Variants in PCNT observed in about 807,000 individuals in gnomAD.
The protein encoded by PCNT is kendrin.
A neutral mutation model predicts 380.4 loss-of-function variants in PCNT; 319 were observed. The ratio of observed to expected loss-of-function variants is 0.84; its 90% CI spans 0.77 to 0.92. The LOEUF is 0.92. Ranked by LOEUF, PCNT falls within the 40% of genes least tolerant of loss-of-function variation. PCNT has a pLI of 0.00. For synonymous variants in PCNT, 1,845 were observed against 1,735.2 expected, an observed-to-expected ratio of 1.06 and a Z score of -1.57; for missense variants, 4,400 against 4,255.3, an observed-to-expected ratio of 1.03 and a Z score of -0.95.
In PCNT at chr21:46,363,523, A is replaced by T; in HGVS notation, c.2198A>T (p.Asn733Ile). 2 of 1,614,118 alleles carry T rather than the reference A, an allele frequency of 1.2e-6. No homozygotes were observed. The highest frequency in any genetic ancestry group is 1.7e-6 in the Non-Finnish European group (2 of 1,179,996). Residue 733 changes from asparagine (N) to isoleucine (I), a missense_variant, in exon 14 of 47, where the codon AAT becomes ATT. Transcript: ENST00000359568. ...GAAGACCACCAGAAGGAACTAAATA[A>T]TGCTAAGCAAAAGACTGAGCTGATG... ...LIEDHQKELNNAKQKTELMKQ... is the reference protein window; with the variant it reads ...LIEDHQKELNIAKQKTELMKQ...
chr21:46,387,584 G>T (rs1158800106), intron 17 of PCNT, among the ~76,000 whole-genome samples: 1 of 152,096 alleles, frequency 6.6e-6, no homozygotes, highest in Admixed American at 6.5e-5. Flanking sequence ...TTTGGGGGGT[G>T]GAAGTGTGCT....
At chr21:46,346,706 C>T in intron 4 of PCNT, 37 bp from the exon 5 acceptor site, 2 of 1,578,526 alleles carry the variant, frequency 1.3e-6, no homozygotes, top group Non-Finnish European at 8.6e-7. Flanking sequence ...CTGGTTCTGA[C>T]CATGGGCCCT....
intron 4 of PCNT, among the ~76,000 whole-genome samples, 192 bp downstream of exon 4, chr21:46,346,400 G>A (rs184526873): frequency 9.2e-5 from 14 of 152,276 alleles, no homozygotes; most frequent in Non-Finnish European, 1.6e-4. Context: ...GGGTCAGGGG[G>A]CTTGGTCAGG....
At chr21:46,349,214 A>G in intron 7 of PCNT, 28 bp downstream of exon 7, 1 of 1,587,000 alleles carries the variant, frequency 6.3e-7, no homozygotes, top group Non-Finnish European at 8.7e-7. Flanking sequence ...GCAAGTTTGG[A>G]GTGGGACTGA....
At chr21:46,412,702 G>A in intron 28 of PCNT, 135 bp from the exon 29 acceptor site, 1 of 935,908 alleles carries the variant, frequency 1.1e-6, no homozygotes, top group East Asian at 2.4e-5. Context: ...AAGGTGCTCG[G>A]CTGTGGATGT....
intron 34 of PCNT, 136 bp from the exon 35 acceptor site, chr21:46,428,259 C>G: frequency 1.2e-6 from 1 of 815,742 alleles, no homozygotes; most frequent in Non-Finnish European, 2.1e-6. Flanking sequence ...AGCTGAGGCC[C>G]AGCAGATACT....
intron 29 of PCNT, among the ~76,000 whole-genome samples, chr21:46,415,328 C>T (rs1364288599): frequency 6.7e-6 from 1 of 148,538 alleles, no homozygotes; most frequent in African/African-American, 2.5e-5. Context: ...CTGCGGCAAA[C>T]AGTCTTGGGG....
At chr21:46,381,883 C>T (rs754865073) in intron 16 of PCNT, 43 bp downstream of exon 16, 28 of 1,602,428 alleles carry the variant, frequency 1.7e-5, no homozygotes, top group Non-Finnish European at 2.2e-5. Context: ...ACGTGTATAG[C>T]ATAAAAATCA....
intron 21 of PCNT, among the ~76,000 whole-genome samples, chr21:46,394,046 T>C (rs2086125527): frequency 6.6e-6 from 1 of 152,248 alleles, no homozygotes; most frequent in African/African-American, 2.4e-5. Context: ...TTGTTTGCTT[T>C]CCTTTCGACA....
chr21:46,347,593 C>T (rs2084115040), intron 6 of PCNT, 81 bp downstream of exon 6: 2 of 1,275,788 alleles, frequency 1.6e-6, no homozygotes, highest in Non-Finnish European at 2.3e-6. Context: ...GAACGCTCCT[C>T]ACCTTGATTC....
At chr21:46,407,966 T>C (rs911101279) in intron 27 of PCNT, among the ~76,000 whole-genome samples, 2 of 152,244 alleles carry the variant, frequency 1.3e-5, no homozygotes, top group Non-Finnish European at 2.9e-5. Flanking sequence ...AGGTCATTGA[T>C]TATAGATACT....
chr21:46,381,501 C>G (rs146414759), intron 15 of PCNT, among the ~76,000 whole-genome samples, 193 bp from the exon 16 acceptor site: 2 of 152,150 alleles, frequency 1.3e-5, no homozygotes, highest in South Asian at 2.1e-4. Context: ...TCCCCGAAAC[C>G]AGGACTTTGT....
chr21:46,429,875 T>C, intron 35 of PCNT, 135 bp from the exon 36 acceptor site: 1 of 701,140 alleles, frequency 1.4e-6, no homozygotes, highest in Admixed American at 2.3e-5. Context: ...CAGTGAAAGC[T>C]TCTAGTCCAC....
rs2053639690 is a variant in PCNT, at chr21:46,442,646, G to A, written c.9700+73G>A. 4.0e-6 allele frequency: 4 copies of A among 996,324 alleles called. No individual in the cohort carries two copies. The South Asian group carries it at 5.2e-5, about 13-fold the overall frequency. The allele number at this position is 996,324 out of a possible 1,614,324, so 61.7% of individuals were successfully genotyped here. On this transcript the variant is annotated intron_variant, in intron 44 of 46. Transcript: ENST00000359568. ...CTACTCTTGTTTTTCATTCACTTTG[G>A]GTCATTTTTCAGTGTTGATGGGGAC...
chr21:46,442,455 C>T (rs769104422), intron 43 of PCNT, 42 bp from the exon 44 acceptor site: 2 of 1,268,344 alleles, frequency 1.6e-6, no homozygotes, highest in Middle Eastern at 1.9e-4. Flanking sequence ...CCCTTCCTGT[C>T]TTGCCGTACT....
At chr21:46,360,515 G>A (rs574047310) in intron 13 of PCNT, among the ~76,000 whole-genome samples, 3 of 76,650 alleles carry the variant, frequency 3.9e-5, no homozygotes, top group East Asian at 8.5e-4. Flanking sequence ...GAGCCACTGC[G>A]CCGGCTTTTT....
chr21:46,422,188 CT>C, intron 32 of PCNT, 64 bp downstream of exon 32: 6 of 1,592,758 alleles, frequency 3.8e-6, no homozygotes, highest in Non-Finnish European at 5.1e-6. Flanking sequence ...CCCCCAAGCC[CT>C]GTGTCCTGCC....
chr21:46,416,314 T>C lies in PCNT; in HGVS notation c.6396T>C (p.Asn2132=). Residue 2132 remains asparagine, a synonymous_variant, in exon 30 of 47, where the codon AAT becomes AAC. Transcript: ENST00000359568. Reference sequence around the variant, plus strand: ...CCCACATAGACACATGTGATGCCAATACAGCCACGGGGGGTGTAACTGATG... The same window carrying C: ...CCCACATAGACACATGTGATGCCAACACAGCCACGGGGGGTGTAACTGATG... The part of the protein sequence containing the change: ...ISPHIDTCDA[N]TATGGVTDVI... The C allele has an allele frequency of 6.2e-7, 1 of 1,613,862 alleles. No homozygotes were observed. The highest frequency in any genetic ancestry group is 8.5e-7 in the Non-Finnish European group (1 of 1,179,894).
rs1179354189 is a variant in PCNT, at chr21:46,382,078, C to T, written c.3312+238C>T. 2.8e-5 allele frequency among the ~76,000 whole-genome samples: 4 copies of T among 144,708 alleles called. 2 individuals are homozygous for T. The highest frequency in any genetic ancestry group is 6.1e-5 in the Non-Finnish European group (4 of 65,962). 94.9% of individuals were successfully genotyped at this position (144,708 alleles called of 152,430 possible). ...ATTCACCATGTTGTATATTCAGTGG[C>T]GGAAGCGCATTCATAGTGTTCTGCA... On this transcript the variant is annotated intron_variant, in intron 16 of 46. Coordinates refer to ENST00000359568, the MANE Select transcript of PCNT (RefSeq NM_006031.6).
Sources: gnomAD v4.1 joint callset for allele counts (sites outside exome capture counted in the v4.1 genomes callset) on GRCh38, gnomAD v4.1.1 for gene constraint, MANE v1.5 for transcripts, NCBI Gene and HGNC (gene_info 2026-07-23, HGNC 2026-07-21) for gene names.